Variants in UBE2G1 observed in about 807,000 individuals in gnomAD.
UBE2G1 encodes the protein ubiquitin conjugating enzyme E2 G1, also known as ubiquitin-conjugating enzyme E2 G1.
A neutral mutation model predicts 22.7 loss-of-function variants in UBE2G1; 5 were observed. The ratio of observed to expected loss-of-function variants is 0.22; its 90% CI spans 0.12 to 0.46. UBE2G1 has a LOEUF of 0.46. Ranked by LOEUF, UBE2G1 falls within the 20% of genes least tolerant of loss-of-function variation. The probability of loss-of-function intolerance (pLI) is 0.99; values close to 1 mark genes in which losing one functional copy is unlikely to be tolerated. For missense variants in UBE2G1, 88 were observed against 203.9 expected (o/e 0.43, Z 3.46); for synonymous variants, 74 against 67.5 (o/e 1.10, Z -0.47).
At chr17:4,361,879 T>C (rs1344072141) in intron 1 of UBE2G1, among the ~76,000 whole-genome samples, 1 of 150,664 alleles carries the variant, frequency 6.6e-6, no homozygotes, top group Non-Finnish European at 1.5e-5. Context: ...GAGGCGGAGG[T>C]TGCACTTAGC....
chr17:4,288,448 A>G (rs977339212), intron 4 of UBE2G1, among the ~76,000 whole-genome samples: 2 of 151,992 alleles, frequency 1.3e-5, no homozygotes, highest in African/African-American at 2.4e-5. Context: ...GGATGGTCTC[A>G]ATCTCCTGAC....
chr17:4,337,072 TTGAA>T (rs1969656304), intron 1 of UBE2G1, among the ~76,000 whole-genome samples: 1 of 151,966 alleles, frequency 6.6e-6, no homozygotes, highest in African/African-American at 2.4e-5. Context: ...CTTCAAGTAA[TTGAA>T]TGGAGTAATG....
rs181205691 is a variant in UBE2G1, at chr17:4,337,571, T to C, written c.46+28700A>G. ...GGAAGGCTGAGGCAGGAGGATCACT[T>C]GAACCCGGGAGGTGGAGGTTGCAAT... On this transcript the variant is annotated intron_variant, in intron 1 of 5. Transcript: ENST00000396981. Among the ~76,000 whole-genome samples the C allele has an allele frequency of 2.5e-4, 38 of 150,216 alleles. No homozygotes were observed. The East Asian group carries it at 6.5e-3, about 26-fold the overall frequency.
At chr17:4,356,259 G>A (rs915161221) in intron 1 of UBE2G1, among the ~76,000 whole-genome samples, 1 of 151,742 alleles carries the variant, frequency 6.6e-6, no homozygotes, top group South Asian at 2.1e-4. Context: ...TCGGGAGGCT[G>A]AGGCAGGAGA....
intron 4 of UBE2G1, among the ~76,000 whole-genome samples, chr17:4,288,028 T>C (rs12600470): frequency 0.55 from 83,497 of 152,044 alleles, 26,064 homozygotes; most frequent in East Asian, 0.8. Context: ...GCCTTGTTCT[T>C]AGGGAACAGA....
chr17:4,275,262 C>T (rs1229257273), intron 5 of UBE2G1, among the ~76,000 whole-genome samples: 1 of 152,186 alleles, frequency 6.6e-6, no homozygotes, highest in Non-Finnish European at 1.5e-5. Flanking sequence ...GGCCTCAGTA[C>T]AGAAAAGGCA....
At chr17:4,349,267 C>G (rs879805741) in intron 1 of UBE2G1, among the ~76,000 whole-genome samples, 2 of 152,018 alleles carry the variant, frequency 1.3e-5, no homozygotes, top group Non-Finnish European at 2.9e-5. Flanking sequence ...TTGCAGTGAG[C>G]CAAATTTGCA....
chr17:4,349,233 T>C (rs935860245), intron 1 of UBE2G1, among the ~76,000 whole-genome samples: 1 of 152,060 alleles, frequency 6.6e-6, no homozygotes, highest in African/African-American at 2.4e-5. Context: ...GGCAGGAGAA[T>C]TGCTTGAACC....
intron 1 of UBE2G1, among the ~76,000 whole-genome samples, chr17:4,352,486 TG>T (rs1047341189): frequency 6.6e-6 from 1 of 152,230 alleles, no homozygotes; most frequent in African/African-American, 2.4e-5. Flanking sequence ...TATTCTCTTT[TG>T]GAAACTACGG....
At chr17:4,277,390 A>G (rs895339335) in intron 5 of UBE2G1, among the ~76,000 whole-genome samples, 1 of 152,222 alleles carries the variant, frequency 6.6e-6, no homozygotes, top group African/African-American at 2.4e-5. Flanking sequence ...GAACCAATAC[A>G]GTCCCTCTAG....
At chr17:4,311,359 A>G (rs904332498) in intron 1 of UBE2G1, among the ~76,000 whole-genome samples, 1 of 152,256 alleles carries the variant, frequency 6.6e-6, no homozygotes, top group African/African-American at 2.4e-5. Context: ...CAAGTTGTAC[A>G]TGAATGTCTG....
At chr17:4,366,165 G>T in intron 1 of UBE2G1, 106 bp downstream of exon 1, 1 of 1,241,744 alleles carries the variant, frequency 8.1e-7, no homozygotes. Context: ...TCGCAGGCCC[G>T]GGCCCCTTCG....
At chr17:4,351,614 T>C (rs1969845266) in intron 1 of UBE2G1, among the ~76,000 whole-genome samples, 1 of 152,216 alleles carries the variant, frequency 6.6e-6, no homozygotes. Flanking sequence ...TCAGAAATTA[T>C]TCTGAGCTTT....
At chr17:4,286,329 C>T (rs948907374) in intron 4 of UBE2G1, among the ~76,000 whole-genome samples, 12 of 148,048 alleles carry the variant, frequency 8.1e-5, no homozygotes, top group African/African-American at 1.5e-4. Flanking sequence ...CACTTGAACC[C>T]GGGAGGTGGA....
intron 1 of UBE2G1, among the ~76,000 whole-genome samples, chr17:4,338,209 G>T (rs1969671879): frequency 6.6e-6 from 1 of 151,260 alleles, no homozygotes; most frequent in Admixed American, 6.6e-5. Flanking sequence ...GCTATATTTT[G>T]ATGGGAGGGG....
chr17:4,289,149 A>ATACT (rs775658743), intron 4 of UBE2G1, 81 bp downstream of exon 4: 11 of 1,270,192 alleles, frequency 8.7e-6, no homozygotes, highest in Non-Finnish European at 1.1e-5. Context: ...ACATTCATGC[A>ATACT]TACTTACATA....
chr17:4,274,516 T>A (rs1968799560), intron 5 of UBE2G1, among the ~76,000 whole-genome samples: 1 of 151,878 alleles, frequency 6.6e-6, no homozygotes, highest in African/African-American at 2.4e-5. Flanking sequence ...TATCTTACAA[T>A]CACTCAAATG....
chr17:4,343,877 G>A lies in UBE2G1; in HGVS notation c.46+22394C>T, dbSNP rs111228660. On this transcript the variant is annotated intron_variant, in intron 1 of 5. Coordinates refer to ENST00000396981, the MANE Select transcript of UBE2G1 (RefSeq NM_003342.5). ...GCTGGGATTACAGGCGTGAGCCACC[G>A]CGCCCAGCCTCAAACCTTTTTTCAA... Among the ~76,000 whole-genome samples, 817 of 152,142 alleles carry A rather than the reference G, an allele frequency of 5.4e-3. 5 individuals carry two copies. Among genetic ancestry groups the A allele is most frequent in the African/African-American group, 0.018 (764 of 41,514 alleles).
Position 4,362,334 on chromosome 17 carries a change from T to G in UBE2G1, c.46+3937A>C, listed in dbSNP as rs114227447. On this transcript the variant is annotated intron_variant, in intron 1 of 5. Coordinates refer to ENST00000396981, the MANE Select transcript of UBE2G1 (RefSeq NM_003342.5). ...AACATTTTAACTCAGTAATCTTCAA[T>G]CTGGGATGATTTTGTCCCTCAGGAG... Among the ~76,000 whole-genome samples, 962 of 152,304 alleles carry G rather than the reference T, an allele frequency of 6.3e-3. 10 individuals carry two copies. Among genetic ancestry groups the G allele is most frequent in the African/African-American group, 0.022 (928 of 41,556 alleles).
Sources: gnomAD v4.1 joint callset for allele counts (sites outside exome capture counted in the v4.1 genomes callset) on GRCh38, gnomAD v4.1.1 for gene constraint, MANE v1.5 for transcripts, NCBI Gene and HGNC (gene_info 2026-07-23, HGNC 2026-07-21) for gene names.